TFDP1: variants seen among roughly 807,000 people sequenced by gnomAD.
TFDP1 encodes DRTF1-polypeptide 1.
Under a neutral mutation model 48.0 loss-of-function variants are expected in TFDP1, and 6 were observed. The ratio of observed to expected loss-of-function variants is 0.13; its 90% confidence interval spans 0.07 to 0.25. TFDP1 has a LOEUF of 0.25. Among genes scored for constraint, TFDP1 ranks in the 10% least tolerant of loss-of-function variants. The probability of loss-of-function intolerance (pLI) is 1.00; values close to 1 mark genes in which losing one functional copy is unlikely to be tolerated. For synonymous variants in TFDP1, 201 were observed against 211.6 expected, an observed-to-expected ratio of 0.95 and a Z score of 0.44; for missense variants, 335 against 543.0, an observed-to-expected ratio of 0.62 and a Z score of 3.81.
chr13:113,634,009 G>A lies in TFDP1; in HGVS notation c.594G>A (p.Ser198=), dbSNP rs200042404. The change falls in exon 7 of 12, where the codon TCG becomes TCA. Residue 198 remains serine (S), a synonymous_variant. Transcript: ENST00000375370. The stretch of plus-strand genomic sequence containing the variant: ...AGTGGATTGGTCTGCCCACCAACTC[G>A]GCTCAGGAATGTCAGAACTTAGAGG... ...EIKWIGLPTN[S]AQECQNLEVE... 1.2e-5 allele frequency: 19 copies of A among 1,614,142 alleles called. No individual in the cohort carries two copies. The highest frequency in any genetic ancestry group is 4.5e-5 in the East Asian group (2 of 44,884).
intron 2 of TFDP1, among the ~76,000 whole-genome samples, chr13:113,587,883 A>G (rs550243489): frequency 1.2e-4 from 19 of 152,188 alleles, no homozygotes; most frequent in African/African-American, 4.6e-4. Flanking sequence ...TTTGAGACGG[A>G]GTTTTGCTTG....
chr13:113,608,434 C>T (rs890147704), intron 2 of TFDP1, among the ~76,000 whole-genome samples: 2 of 152,160 alleles, frequency 1.3e-5, no homozygotes, highest in Admixed American at 6.5e-5. Context: ...GCTGTGCAGG[C>T]GGGAGGGCAG....
chr13:113,634,474 TAAAA>T, intron 7 of TFDP1, 56 bp from the exon 8 acceptor site: 1 of 1,495,688 alleles, frequency 6.7e-7, no homozygotes, highest in Non-Finnish European at 9.2e-7. Flanking sequence ...ATGTGGGTTT[TAAAA>T]AACGCTCTGT....
intron 3 of TFDP1, among the ~76,000 whole-genome samples, chr13:113,611,941 G>T (rs909150511): frequency 6.6e-6 from 1 of 152,206 alleles, no homozygotes; most frequent in African/African-American, 2.4e-5. Context: ...ATCAGCCCAG[G>T]GAGGAGCCCA....
intron 3 of TFDP1, among the ~76,000 whole-genome samples, chr13:113,617,282 A>G (rs1023906867): frequency 6.6e-5 from 10 of 152,180 alleles, no homozygotes; most frequent in Non-Finnish European, 1.3e-4. Flanking sequence ...GGAGAGAGCA[A>G]TGTCTCCATG....
chr13:113,636,169 CTT>C lies in TFDP1; in HGVS notation c.839+46_839+47del, dbSNP rs772508172. 7 of 1,607,168 alleles carry C rather than the reference CTT, an allele frequency of 4.4e-6. No homozygotes were observed. The African/African-American group carries it at 6.7e-5, about 15-fold the overall frequency. On this transcript the variant is annotated intron_variant, in intron 9 of 11. Transcript: ENST00000375370. Reference sequence around the variant, plus strand: ...GGAGCTGTTCCCTGGTCACCCATCTCTTTTTTAGGGAGCCGACCCTGTTGGTA... The same window carrying C: ...GGAGCTGTTCCCTGGTCACCCATCTCTTTTAGGGAGCCGACCCTGTTGGTA...
rs1392247247 is a variant in TFDP1, at chr13:113,641,286, A to T, written c.*1019A>T. The T allele has an allele frequency of 6.6e-6, 1 of 152,312 alleles. No individual in the cohort carries two copies. The highest frequency in any genetic ancestry group is 1.5e-5 in the Non-Finnish European group (1 of 68,038). The allele number at this position is 152,312 out of a possible 1,614,324, so 9.4% of individuals were successfully genotyped here. A position where few individuals can be genotyped will look rare whatever the true frequency, so the allele number is the denominator to read the frequency against. On this transcript the variant is annotated 3_prime_UTR_variant, in exon 12 of 12. Coordinates refer to ENST00000375370, the MANE Select transcript of TFDP1 (RefSeq NM_007111.5). ...CAGGCAGTAGTCTCTTTTAAAATTT[A>T]TTCACAAAACCCATTAACTGCACAG...
At chr13:113,608,233 C>T (rs776456620) in intron 2 of TFDP1, among the ~76,000 whole-genome samples, 1 of 152,232 alleles carries the variant, frequency 6.6e-6, no homozygotes, top group East Asian at 1.9e-4. Flanking sequence ...AGGCACTGTG[C>T]CACCCGGGGC....
chr13:113,623,317 A>G lies in TFDP1; in HGVS notation c.186+31A>G, dbSNP rs376927272. 1.3e-5 allele frequency: 21 copies of G among 1,577,212 alleles called. No individual in the cohort carries two copies. In the African/African-American group the frequency reaches 2.6e-4, roughly 19 times the overall value. On this transcript the variant is annotated intron_variant, in intron 4 of 11. Coordinates refer to ENST00000375370, the MANE Select transcript of TFDP1 (RefSeq NM_007111.5). This position sits in a 1 kb window ranked among gnomAD's most constrained non-coding sequence, Gnocchi z 5.2. ...CCTCCCGCAGGAGCGGACAGCCGGG[A>G]TCTCGGTGTGAGGTCGGGATCGGAT...
intron 3 of TFDP1, among the ~76,000 whole-genome samples, chr13:113,615,366 G>A (rs1163462916): frequency 2.0e-5 from 3 of 152,320 alleles, no homozygotes; most frequent in East Asian, 3.9e-4. Flanking sequence ...GCTGATAGGA[G>A]CTTTTCCTCT....
At chr13:113,609,268 G>A (rs1445951421) in intron 2 of TFDP1, among the ~76,000 whole-genome samples, 1 of 152,184 alleles carries the variant, frequency 6.6e-6, no homozygotes, top group Non-Finnish European at 1.5e-5. Flanking sequence ...GTGGCCAGTG[G>A]GATGCAGCCC....
intron 2 of TFDP1, among the ~76,000 whole-genome samples, chr13:113,608,438 A>G (rs183446163): frequency 1.3e-5 from 2 of 152,108 alleles, no homozygotes; most frequent in Admixed American, 1.3e-4. Flanking sequence ...TGCAGGCGGG[A>G]GGGCAGTCAT....
rs568105366 is a variant in TFDP1, at chr13:113,623,879, G to A, written c.186+593G>A. On this transcript the variant is annotated intron_variant, in intron 4 of 11. Transcript: ENST00000375370. The surrounding 1 kb of genome is among the most constrained non-coding windows in gnomAD (Gnocchi z 5.2). ...TAATGCTGTTTCCTGTCTCGTGTCCGCCCTCTGCGTCCTTGCCGGTGGCAG... is the reference window on the plus strand; with the variant it reads ...TAATGCTGTTTCCTGTCTCGTGTCCACCCTCTGCGTCCTTGCCGGTGGCAG... 1.3e-4 allele frequency among the ~76,000 whole-genome samples: 20 copies of A among 152,242 alleles called. No individual in the cohort carries two copies. Among genetic ancestry groups the A allele is most frequent in the African/African-American group, 3.9e-4 (16 of 41,534 alleles).
rs2049033986 is a variant in TFDP1 at position 113,623,027 on chromosome 13, A to G, written c.80-153A>G. 6.6e-6 allele frequency among the ~76,000 whole-genome samples: 1 copy of G among 152,218 alleles called. No homozygotes were observed. The highest frequency in any genetic ancestry group is 2.4e-5 in the African/African-American group (1 of 41,448). On this transcript the variant is annotated intron_variant, in intron 3 of 11. Transcript: ENST00000375370. The surrounding 1 kb of genome is among the most constrained non-coding windows in gnomAD (Gnocchi z 5.2). Reference sequence around the variant, plus strand: ...TTACATTGGGAATCAAGCTTCATGGAGGTGTTGCTCTTGAGCCCTGGATTT... The same window carrying G: ...TTACATTGGGAATCAAGCTTCATGGGGGTGTTGCTCTTGAGCCCTGGATTT...
chr13:113,634,074 G>T (rs1381077164), intron 7 of TFDP1, 41 bp downstream of exon 7: 1 of 1,613,850 alleles, frequency 6.2e-7, no homozygotes. Flanking sequence ...TTCCCTTCAA[G>T]TCCGTGTAGA....
At chr13:113,585,485 T>C (rs113922541) in intron 1 of TFDP1, 90,710 of 193,586 alleles carry the variant, frequency 0.47, 24,957 homozygotes, top group African/African-American at 0.81. Context: ...CCCTGGCTCC[T>C]GGGGCTCGGC....
rs906961343 is a variant in TFDP1, at chr13:113,636,106, G to A, written c.817G>A (p.Asp273Asn). ...IVNTSKKTVIDCSISNDKFEY... is the reference protein window; with the variant it reads ...IVNTSKKTVINCSISNDKFEY... ...CAACACCAGCAAGAAGACGGTCATC[G>A]ACTGCAGCATCTCCAATGACAAGTA... Residue 273 changes from aspartate to asparagine, a missense_variant, in exon 9 of 12, where the codon GAC becomes AAC. Coordinates refer to ENST00000375370, the MANE Select transcript of TFDP1 (RefSeq NM_007111.5). 3.7e-6 allele frequency: 6 copies of A among 1,614,198 alleles called. No homozygotes were observed. Among genetic ancestry groups the A allele is most frequent in the African/African-American group, 1.3e-5 (1 of 75,062 alleles).
chr13:113,602,957 A>C (rs1161181023), intron 2 of TFDP1, among the ~76,000 whole-genome samples: 1 of 144,774 alleles, frequency 6.9e-6, no homozygotes, highest in East Asian at 2.0e-4. Flanking sequence ...AATAACACTA[A>C]CAATAGTTGA....
At chr13:113,596,404 A>T (rs1459767867) in intron 2 of TFDP1, among the ~76,000 whole-genome samples, 2 of 152,108 alleles carry the variant, frequency 1.3e-5, no homozygotes. Context: ...CTTATCTGGA[A>T]CGATGCAGCA....
Sources: allele counts gnomAD v4.1 joint callset (sites outside exome capture counted in the v4.1 genomes callset), GRCh38; gene constraint gnomAD v4.1.1; non-coding constraint Gnocchi (gnomAD v3.1); transcripts MANE v1.5; gene names NCBI Gene and HGNC (gene_info 2026-07-23, HGNC 2026-07-21).